SBF2: variants seen among roughly 807,000 people sequenced by gnomAD.
SBF2 encodes the protein myotubularin-related protein 13.
In SBF2, 112 loss-of-function variants were observed where a neutral mutation model predicts 225.2. The ratio of observed to expected loss-of-function variants is 0.50; its 90% CI spans 0.43 to 0.58. The LOEUF (loss-of-function observed/expected upper bound fraction) is 0.58, where lower values mean the gene tolerates loss of function less well. SBF2 is among the 20% of genes least tolerant of loss of function. The pLI is 0.00. For synonymous variants in SBF2, 763 were observed against 773.3 expected (o/e 0.99, Z 0.22); for missense variants, 1,996 against 2,206.2 (o/e 0.90, Z 1.91).
chr11:9,914,420 C>T (rs570309428), intron 16 of SBF2, among the ~76,000 whole-genome samples: 9 of 152,286 alleles, frequency 5.9e-5, no homozygotes, highest in African/African-American at 2.2e-4. Flanking sequence ...GACAAAGGAG[C>T]AAAGGCAGTA....
At position 10,090,505 on chromosome 11, in the gene SBF2, C is replaced by T. The variant is rs191680117; in HGVS notation, c.142-47524G>A. On this transcript the variant is annotated intron_variant, in intron 2 of 39. Transcript: ENST00000256190. Reference sequence around the variant, plus strand: ...AGACGCTGGGCGCAGTGGCTCATGCCTGTAATTCCAGCACTTTGGGAGGCT... The same window carrying T: ...AGACGCTGGGCGCAGTGGCTCATGCTTGTAATTCCAGCACTTTGGGAGGCT... Among the ~76,000 whole-genome samples, 4 of 152,216 alleles carry T rather than the reference C, an allele frequency of 2.6e-5. No individual in the cohort carries two copies. In the East Asian group the frequency reaches 7.7e-4, roughly 29 times the overall value.
intron 2 of SBF2, among the ~76,000 whole-genome samples, chr11:10,141,049 G>A (rs1431180586): frequency 6.6e-6 from 1 of 152,026 alleles, no homozygotes; most frequent in African/African-American, 2.4e-5. Flanking sequence ...AAAATGACTC[G>A]GTCCAGAGAT....
chr11:10,231,713 C>T (rs1336406078), intron 1 of SBF2, among the ~76,000 whole-genome samples: 1 of 152,176 alleles, frequency 6.6e-6, no homozygotes, highest in Non-Finnish European at 1.5e-5. Context: ...TGTCAGTCCA[C>T]CCCTACTGGG....
At chr11:10,027,572 G>C (rs1949096076) in intron 6 of SBF2, among the ~76,000 whole-genome samples, 1 of 152,140 alleles carries the variant, frequency 6.6e-6, no homozygotes, top group African/African-American at 2.4e-5. Flanking sequence ...AGCATAACTA[G>C]GAAAAGACAA....
chr11:9,944,425 A>G (rs915386450), intron 16 of SBF2, among the ~76,000 whole-genome samples: 3 of 152,242 alleles, frequency 2.0e-5, no homozygotes, highest in African/African-American at 7.2e-5. Flanking sequence ...AATGACTACT[A>G]GAAAACAATA....
intron 17 of SBF2, among the ~76,000 whole-genome samples, chr11:9,879,102 A>G (rs570795439): frequency 6.6e-6 from 1 of 152,316 alleles, no homozygotes; most frequent in Non-Finnish European, 1.5e-5. Context: ...GCACCACATA[A>G]TTGATTTTCT....
chr11:9,870,615 A>G (rs2134047044), intron 17 of SBF2, among the ~76,000 whole-genome samples: 1 of 152,276 alleles, frequency 6.6e-6, no homozygotes, highest in East Asian at 1.9e-4. Context: ...GGGATTTCCA[A>G]TTAATAAATG....
intron 14 of SBF2, among the ~76,000 whole-genome samples, chr11:9,964,207 C>G (rs575849993): frequency 6.6e-6 from 1 of 152,348 alleles, no homozygotes; most frequent in South Asian, 2.1e-4. Context: ...TAGGACAGCA[C>G]TACTGAACTG....
chr11:9,782,920 A>AG (rs922498109), intron 38 of SBF2: 1 of 151,968 alleles, frequency 6.6e-6, no homozygotes, highest in Non-Finnish European at 1.5e-5. Context: ...AGAGACTGCT[A>AG]GGGAATAAGC....
At chr11:10,238,285 G>T (rs7116590) in intron 1 of SBF2, among the ~76,000 whole-genome samples, 59,680 of 151,236 alleles carry the variant, frequency 0.39, 12,742 homozygotes, top group Non-Finnish European at 0.48. Context: ...GGCGCACACC[G>T]GCAATCCCAG....
At chr11:10,094,529 T>TTTTTTTTTTTG (rs1951933595) in intron 2 of SBF2, among the ~76,000 whole-genome samples, 1 of 64,788 alleles carries the variant, frequency 1.5e-5, no homozygotes, top group Non-Finnish European at 4.0e-5. Context: ...TACACACAGA[T>TTTTTTTTTTTG]TTTTTTTTTT....
chr11:10,065,503 A>G (rs1360338250), intron 2 of SBF2, among the ~76,000 whole-genome samples: 1 of 152,230 alleles, frequency 6.6e-6, no homozygotes, highest in Non-Finnish European at 1.5e-5. Context: ...CTTTAGCCAC[A>G]CTGATCACAC....
chr11:10,083,063 T>C (rs1202611172), intron 2 of SBF2, among the ~76,000 whole-genome samples: 1 of 152,148 alleles, frequency 6.6e-6, no homozygotes, highest in Non-Finnish European at 1.5e-5. Context: ...CAAAAATCAG[T>C]ACCATTTCTA....
chr11:9,932,957 CAAAAAAAAAAAAAAAAA>C (rs574177096), intron 16 of SBF2, among the ~76,000 whole-genome samples: 3 of 58,744 alleles, frequency 5.1e-5, no homozygotes, highest in Admixed American at 1.8e-4. Flanking sequence ...AAACGAAAAG[CAAAAAAAAAAAAAAAAA>C]AAAAAAAAAA....
At chr11:9,908,626 CAAAA>C (rs536864299) in intron 16 of SBF2, among the ~76,000 whole-genome samples, 11 of 144,044 alleles carry the variant, frequency 7.6e-5, no homozygotes, top group African/African-American at 2.5e-4. Flanking sequence ...GACTCCGTCT[CAAAA>C]AAAAAAAGTC....
chr11:9,783,956 C>T (rs1852201184), intron 38 of SBF2, among the ~76,000 whole-genome samples: 1 of 152,154 alleles, frequency 6.6e-6, no homozygotes, highest in Non-Finnish European at 1.5e-5. Flanking sequence ...AACTTGTATT[C>T]TGGGGAGTGT....
chr11:9,941,321 C>T (rs1565036757), intron 16 of SBF2, among the ~76,000 whole-genome samples: 1 of 150,270 alleles, frequency 6.7e-6, no homozygotes, highest in Non-Finnish European at 1.5e-5. Flanking sequence ...GACCCTGTCT[C>T]TTCAGTAAAA....
intron 2 of SBF2, among the ~76,000 whole-genome samples, chr11:10,084,488 T>C (rs573544810): frequency 8.5e-5 from 13 of 152,290 alleles, no homozygotes; most frequent in African/African-American, 3.1e-4. Flanking sequence ...GGTGGGAATG[T>C]AAATTAGCAC....
chr11:10,013,391 G>A (rs1948527996), intron 6 of SBF2, among the ~76,000 whole-genome samples: 1 of 152,314 alleles, frequency 6.6e-6, no homozygotes, highest in African/African-American at 2.4e-5. Context: ...ATGTAGGGGA[G>A]AGGGGGCAAC....
Sources: gnomAD v4.1 joint callset for allele counts (sites outside exome capture counted in the v4.1 genomes callset) on GRCh38, gnomAD v4.1.1 for gene constraint, MANE v1.5 for transcripts, NCBI Gene and HGNC (gene_info 2026-07-23, HGNC 2026-07-21) for gene names.